Variants in RELL1 observed in about 807,000 individuals in gnomAD.
The protein encoded by RELL1 is RELT like 1, also known as RELT-like protein 1.
RELL1 carries 10 observed loss-of-function variants against 23.0 expected under a neutral mutation model. The ratio of observed to expected loss-of-function variants is 0.43; its 90% CI spans 0.27 to 0.74. The LOEUF (loss-of-function observed/expected upper bound fraction) is 0.74. Among genes scored for constraint, RELL1 ranks in the 30% least tolerant of loss-of-function variants. RELL1 has a pLI of 0.19. For synonymous variants in RELL1, 146 were observed against 146.8 expected (o/e 0.99, Z 0.04); for missense variants, 315 against 364.4 (o/e 0.86, Z 1.10).
intron 6 of RELL1, among the ~76,000 whole-genome samples, chr4:37,617,413 CA>C (rs965508643): frequency 2.0e-5 from 3 of 152,136 alleles, no homozygotes; most frequent in African/African-American, 7.2e-5. Context: ...CAGCGGAGGT[CA>C]AAAAATACAT....
chr4:37,615,198 T>G (rs1207653027), intron 6 of RELL1, among the ~76,000 whole-genome samples: 3 of 152,192 alleles, frequency 2.0e-5, no homozygotes, highest in Admixed American at 6.5e-5. Context: ...CACATTAGCT[T>G]TCTTCAACAG....
intron 6 of RELL1, among the ~76,000 whole-genome samples, chr4:37,622,288 C>T (rs147858897): frequency 6.6e-6 from 1 of 152,312 alleles, no homozygotes; most frequent in Non-Finnish European, 1.5e-5. Flanking sequence ...AGATATATTG[C>T]ATAAGCATGT....
At chr4:37,603,515 G>T (rs1719071885) in intron 6 of RELL1, among the ~76,000 whole-genome samples, 1 of 152,038 alleles carries the variant, frequency 6.6e-6, no homozygotes, top group Non-Finnish European at 1.5e-5. Flanking sequence ...CACACAACAC[G>T]CCCTCAGTGA....
chr4:37,633,480 AT>A (rs1226426688), intron 5 of RELL1, among the ~76,000 whole-genome samples: 3 of 139,494 alleles, frequency 2.2e-5, no homozygotes, highest in Admixed American at 7.3e-5. Context: ...ATTTCAGCAG[AT>A]TTTTTTTTAA....
chr4:37,616,674 A>C (rs942428111), intron 6 of RELL1, among the ~76,000 whole-genome samples: 1 of 144,664 alleles, frequency 6.9e-6, no homozygotes, highest in Admixed American at 7.0e-5. Context: ...GACCACTTTT[A>C]AATAAAATAA....
chr4:37,664,461 A>G (rs767988231), intron 1 of RELL1, among the ~76,000 whole-genome samples: 3 of 152,244 alleles, frequency 2.0e-5, no homozygotes, highest in Non-Finnish European at 2.9e-5. Flanking sequence ...TTCTCTAGCT[A>G]TTGAAAAGCA....
chr4:37,679,721 G>A (rs1317106754), intron 1 of RELL1, among the ~76,000 whole-genome samples: 4 of 152,152 alleles, frequency 2.6e-5, no homozygotes, highest in South Asian at 2.1e-4. Context: ...TTGGGAGGCC[G>A]AGGTGGGTGG....
chr4:37,618,393 AT>A (rs113916618), intron 6 of RELL1, among the ~76,000 whole-genome samples: 13 of 149,892 alleles, frequency 8.7e-5, no homozygotes, highest in African/African-American at 2.5e-4. Flanking sequence ...CTAATTTTTT[AT>A]TTTTTTTTAT....
intron 1 of RELL1, among the ~76,000 whole-genome samples, chr4:37,676,826 A>G (rs1467140233): frequency 6.6e-6 from 1 of 152,178 alleles, no homozygotes; most frequent in African/African-American, 2.4e-5. Context: ...CCTGAATTCT[A>G]ACTCTGGCTT....
At chr4:37,591,022 G>C in exon 7 of RELL1, 1 of 1,573,846 alleles carries the variant, frequency 6.4e-7, no homozygotes, top group Non-Finnish European at 8.6e-7. Flanking sequence ...TGCACAGGGA[G>C]GTAAGCTGGT....
intron 1 of RELL1, among the ~76,000 whole-genome samples, chr4:37,674,705 A>G (rs1225416472): frequency 2.7e-5 from 4 of 150,332 alleles, no homozygotes; most frequent in Non-Finnish European, 5.9e-5. Context: ...CTGTTAGAAC[A>G]TTTGAAAATT....
At position 37,591,551 on chromosome 4, in the gene RELL1, G is replaced by A. The variant is rs13333; in HGVS notation, c.*4-334C>T. On this transcript the variant is annotated intron_variant, in intron 6 of 6. Coordinates refer to the RELL1 transcript ENST00000314117. Reference sequence around the variant, plus strand: ...AATAACTAACCAGTTGTTCAACAGCGGGTTAAGCTCAGCAGTTTTCACAGT... The same window carrying A: ...AATAACTAACCAGTTGTTCAACAGCAGGTTAAGCTCAGCAGTTTTCACAGT... The A allele has an allele frequency of 0.58, 88,980 of 152,238 alleles. 29,096 individuals carry two copies. The highest frequency in any genetic ancestry group is 0.74 in the Non-Finnish European group (50,655 of 68,132). The allele number at this position is 152,238 out of a possible 1,614,324, so 9.4% of individuals were successfully genotyped here. A position where few individuals can be genotyped will look rare whatever the true frequency, so the allele number is the denominator to read the frequency against.
At chr4:37,597,098 C>T (rs986297831) in intron 6 of RELL1, among the ~76,000 whole-genome samples, 3 of 152,042 alleles carry the variant, frequency 2.0e-5, no homozygotes, top group African/African-American at 7.2e-5. Context: ...GTGTGGACCA[C>T]GCACTTATAA....
At chr4:37,632,097 A>AC (rs1553873500) in intron 5 of RELL1, among the ~76,000 whole-genome samples, 1 of 150,472 alleles carries the variant, frequency 6.6e-6, no homozygotes, top group Non-Finnish European at 1.5e-5. Flanking sequence ...AAAAAAAAAA[A>AC]AAAAAAAAAA....
At chr4:37,659,442 C>T (rs1310693184) in intron 1 of RELL1, among the ~76,000 whole-genome samples, 2 of 152,198 alleles carry the variant, frequency 1.3e-5, no homozygotes, top group Admixed American at 1.3e-4. Flanking sequence ...CCCCAATGGT[C>T]AGAGGAGCCG....
intron 6 of RELL1, among the ~76,000 whole-genome samples, chr4:37,604,844 C>CACACAA (rs1299329457): frequency 1.6e-5 from 2 of 124,636 alleles, no homozygotes; most frequent in East Asian, 2.6e-4. Flanking sequence ...CACACAGACA[C>CACACAA]ACACACAGAC....
At chr4:37,631,640 C>A (rs1033094924) in intron 5 of RELL1, 117 bp from the exon 6 acceptor site, 3 of 1,150,356 alleles carry the variant, frequency 2.6e-6, no homozygotes, top group African/African-American at 1.6e-5. Context: ...AAAGTTAGGA[C>A]ACAAATGAAA....
chr4:37,630,225 G>A (rs766491484), intron 6 of RELL1, among the ~76,000 whole-genome samples: 7 of 151,296 alleles, frequency 4.6e-5, no homozygotes, highest in African/African-American at 4.9e-5. Flanking sequence ...AATCGTCACC[G>A]TTGCTCTTTT....
chr4:37,629,117 G>A (rs1233070636), intron 6 of RELL1, among the ~76,000 whole-genome samples: 1 of 152,146 alleles, frequency 6.6e-6, no homozygotes, highest in East Asian at 1.9e-4. Flanking sequence ...TCCTAATCGA[G>A]GGCAAGCCAG....
Sources: gnomAD v4.1 joint callset for allele counts (sites outside exome capture counted in the v4.1 genomes callset) on GRCh38, gnomAD v4.1.1 for gene constraint, MANE v1.5 for transcripts, NCBI Gene and HGNC (gene_info 2026-07-23, HGNC 2026-07-21) for gene names.